MICAL2: variants seen among roughly 807,000 people sequenced by gnomAD.
The protein encoded by MICAL2 is microtubule associated monooxygenase, calponin and LIM domain containing 2, also known as [F-actin]-monooxygenase MICAL2.
A neutral mutation model predicts 127.3 loss-of-function variants in MICAL2; 77 were observed. The observed-to-expected ratio is 0.60, with a 90% CI of 0.50 to 0.73. The LOEUF is 0.73. Ranked by LOEUF, MICAL2 falls within the 30% of genes least tolerant of loss-of-function variation. MICAL2 has a pLI of 0.00. For missense variants in MICAL2, 1,351 were observed against 1,434.4 expected (o/e 0.94, Z 0.94); for synonymous variants, 570 against 551.1 (o/e 1.03, Z -0.48).
intron 32 of MICAL2, among the ~76,000 whole-genome samples, chr11:12,340,719 C>A (rs1938849941): frequency 6.6e-6 from 1 of 152,118 alleles, no homozygotes; most frequent in African/African-American, 2.4e-5. Context: ...ATGAATCAGT[C>A]ACATGGATGC....
chr11:12,261,480 T>C, intron 26 of MICAL2: 1 of 985,506 alleles, frequency 1.0e-6, no homozygotes, highest in Non-Finnish European at 1.2e-6. Flanking sequence ...TGCCTAGACA[T>C]ACACAGCTGC....
At chr11:12,292,198 T>C (rs970403055), downstream of MICAL2, 1 of 1,613,990 alleles carries the variant, frequency 6.2e-7, no homozygotes, top group Non-Finnish European at 8.5e-7. Context: ...CTTCTCCTTC[T>C]CTTCCTCTTC....
intron 29 of MICAL2, among the ~76,000 whole-genome samples, chr11:12,316,829 T>A (rs1386174666): frequency 6.6e-6 from 1 of 152,206 alleles, no homozygotes; most frequent in Non-Finnish European, 1.5e-5. Flanking sequence ...AGATCACTTG[T>A]TTTCCTTTGA....
intron 3 of MICAL2, among the ~76,000 whole-genome samples, chr11:12,175,096 C>G (rs576250272): frequency 6.6e-6 from 1 of 152,000 alleles, no homozygotes; most frequent in Admixed American, 6.5e-5. Flanking sequence ...GCATTCCAGC[C>G]TGGGCAACAG....
chr11:12,294,676 A>C (rs1863956672), downstream of MICAL2: 1 of 1,613,708 alleles, frequency 6.2e-7, no homozygotes, highest in African/African-American at 1.3e-5. Context: ...AAGAATCCAG[A>C]CAAAGAAAGG....
Position 12,204,477 on chromosome 11 carries a change from A to C in MICAL2, c.472+20A>C. On this transcript the variant is annotated intron_variant, in intron 4 of 27. Coordinates refer to ENST00000683283, the MANE Select transcript of MICAL2 (RefSeq NM_001282663.2). ...ATATCAGTGAGTGGAGTCTATGGTGATATCCCATGAAGGGAGGGGACTGAC... is the reference window on the plus strand; with the variant it reads ...ATATCAGTGAGTGGAGTCTATGGTGCTATCCCATGAAGGGAGGGGACTGAC... 1 of 1,611,462 alleles carries C rather than the reference A, an allele frequency of 6.2e-7. No homozygotes were observed. Among genetic ancestry groups the C allele is most frequent in the Non-Finnish European group, 8.5e-7 (1 of 1,177,728 alleles).
At chr11:12,311,446 C>T (rs1232108495) in intron 29 of MICAL2, among the ~76,000 whole-genome samples, 1 of 151,102 alleles carries the variant, frequency 6.6e-6, no homozygotes, top group Non-Finnish European at 1.5e-5. Context: ...GAGTCTTGCT[C>T]TGTTGCCCAG....
chr11:12,214,861 T>C (rs1370401850), intron 7 of MICAL2, among the ~76,000 whole-genome samples: 1 of 152,130 alleles, frequency 6.6e-6, no homozygotes, highest in Non-Finnish European at 1.5e-5. Context: ...TGCTGACCTC[T>C]GATTTAGGCC....
chr11:12,220,527 A>G, intron 9 of MICAL2, 69 bp downstream of exon 9: 1 of 1,561,256 alleles, frequency 6.4e-7, no homozygotes, highest in Non-Finnish European at 8.6e-7. Flanking sequence ...TCTGGCAGGC[A>G]GTATCTGCTG....
At chr11:12,264,587 A>G (rs1475867891), downstream of MICAL2, among the ~76,000 whole-genome samples, 2 of 152,106 alleles carry the variant, frequency 1.3e-5, no homozygotes, top group African/African-American at 2.4e-5. Flanking sequence ...TGACAGTGGT[A>G]TGAAAAGTCA....
At chr11:12,211,411 C>G (rs1024225509) in intron 6 of MICAL2, among the ~76,000 whole-genome samples, 23 of 152,074 alleles carry the variant, frequency 1.5e-4, no homozygotes, top group African/African-American at 5.6e-4. Flanking sequence ...AAAAAAAACC[C>G]CAAGGTTGTC....
At chr11:12,351,544 G>A (rs1450214903) in intron 33 of MICAL2, among the ~76,000 whole-genome samples, 1 of 152,182 alleles carries the variant, frequency 6.6e-6, no homozygotes, top group African/African-American at 2.4e-5. Flanking sequence ...CTAGAACTAT[G>A]GCAAGGCTTA....
chr11:12,262,325 C>T, intron 26 of MICAL2, 155 bp from the exon 27 acceptor site: 2 of 1,492,018 alleles, frequency 1.3e-6, no homozygotes, highest in East Asian at 4.7e-5. Flanking sequence ...CCTAAGCAAA[C>T]AGCGACTCTT....
chr11:12,256,609 G>A (rs1229363443), intron 23 of MICAL2, 176 bp from the exon 24 acceptor site: 3 of 580,830 alleles, frequency 5.2e-6, no homozygotes, highest in East Asian at 6.1e-5. Context: ...GCAGGGTTGG[G>A]GTCTGGGTTG....
chr11:12,164,441 T>A (rs1344754805), intron 3 of MICAL2, among the ~76,000 whole-genome samples: 1 of 152,200 alleles, frequency 6.6e-6, no homozygotes, highest in Admixed American at 6.5e-5. Flanking sequence ...AGCTGTGCTT[T>A]TCAGAAACCC....
chr11:12,173,540 A>G (rs1236722388), intron 3 of MICAL2, among the ~76,000 whole-genome samples: 1 of 152,218 alleles, frequency 6.6e-6, no homozygotes, highest in Non-Finnish European at 1.5e-5. Context: ...GTGGTAAAAT[A>G]TGTTTAACAA....
intron 30 of MICAL2, among the ~76,000 whole-genome samples, chr11:12,321,963 G>T (rs6485658): frequency 4.0e-5 from 6 of 151,360 alleles, no homozygotes; most frequent in East Asian, 3.9e-4. Context: ...CACAAGGAAA[G>T]GCAGTATAGA....
At chr11:12,286,050 A>G (rs1456426808) in intron 2 of MICAL2, among the ~76,000 whole-genome samples, 1 of 152,210 alleles carries the variant, frequency 6.6e-6, no homozygotes, top group African/African-American at 2.4e-5. Flanking sequence ...CGTGGACCCC[A>G]CTGCCCACTC....
chr11:12,226,185 T>C lies in MICAL2; in HGVS notation c.1703T>C (p.Leu568Ser), dbSNP rs767170633. 1.2e-6 allele frequency: 2 copies of C among 1,614,230 alleles called. No homozygotes were observed. Among genetic ancestry groups the C allele is most frequent in the Non-Finnish European group, 1.7e-6 (2 of 1,180,042 alleles). Residue 568 changes from leucine (L) to serine (S), a missense_variant, in exon 14 of 28, where the codon TTG (leucine) becomes TCG (serine). Around this residue, in one of 2 missense-constraint regions of MICAL2, gnomAD observed 752 missense variants for 719.4 expected, o/e 1.05. Coordinates refer to ENST00000683283, the MANE Select transcript of MICAL2 (RefSeq NM_001282663.2). ...FRPELINFDS[L>S]NEDDAVENNQ... Reference sequence around the variant, plus strand: ...TGATTCTCTAGCAACTTTGACTCTTTGAATGAAGATGATGCTGTGGAGAAC... The same window carrying C: ...TGATTCTCTAGCAACTTTGACTCTTCGAATGAAGATGATGCTGTGGAGAAC...
Sources: allele counts gnomAD v4.1 joint callset (sites outside exome capture counted in the v4.1 genomes callset), GRCh38; gene constraint gnomAD v4.1.1; regional missense constraint gnomAD v4.1.1; transcripts MANE v1.5; gene names NCBI Gene and HGNC (gene_info 2026-07-23, HGNC 2026-07-21).